RNF213: variants seen among roughly 807,000 people sequenced by gnomAD.
RNF213 encodes the protein ring finger protein 213.
A neutral mutation model predicts 514.4 loss-of-function variants in RNF213; 341 were observed. The observed-to-expected ratio is 0.66, with a 90% confidence interval of 0.61 to 0.73. The LOEUF (loss-of-function observed/expected upper bound fraction) is 0.73, where lower values mean the gene tolerates loss of function less well. Ranked by LOEUF, RNF213 falls within the 30% of genes least tolerant of loss-of-function variation. The probability of loss-of-function intolerance (pLI) is 0.00; values close to 1 mark genes in which losing one functional copy is unlikely to be tolerated. For missense variants in RNF213, 5,767 were observed against 6,615.6 expected, an observed-to-expected ratio of 0.87 and a Z score of 4.45; for synonymous variants, 2,655 against 2,658.2, an observed-to-expected ratio of 1.00 and a Z score of 0.04.
rs139220263 is a variant in RNF213, at chr17:80,295,691, G to A, written c.1890G>A (p.Val630=). The A allele has an allele frequency of 2.5e-6, 4 of 1,614,000 alleles. No individual in the cohort carries two copies. The highest frequency in any genetic ancestry group is 3.4e-6 in the Non-Finnish European group (4 of 1,180,028). The change falls in exon 10 of 68, where the codon GTG becomes GTA. Residue 630 remains valine, a synonymous_variant. Coordinates refer to ENST00000582970, the MANE Select transcript of RNF213 (RefSeq NM_001256071.3). ...LKTGLIVLFV[V]EKIELLLEGS... ...CAGGCCTGATTGTCCTTTTTGTAGT[G>A]GAAAAAATTGAGCTTTTATTAGAAG...
chr17:80,333,165 C>T (rs1280515490), intron 21 of RNF213, among the ~76,000 whole-genome samples: 1 of 151,518 alleles, frequency 6.6e-6, no homozygotes, highest in East Asian at 1.9e-4. Context: ...TCTCCTGTCT[C>T]AGCCTCCCAA....
Position 80,385,021 on chromosome 17 carries a change from T to C in RNF213, c.14323-18T>C. On this transcript the variant is annotated intron_variant, in intron 59 of 67. Transcript: ENST00000582970. ...TAGGTAAATAAAAATTGTTACTGGG[T>C]GGTCTTCCCTTCTCCAGGAAGCAGA... 6.2e-7 allele frequency: 1 copy of C among 1,614,120 alleles called. No individual in the cohort carries two copies. Among genetic ancestry groups the C allele is most frequent in the Non-Finnish European group, 8.5e-7 (1 of 1,179,966 alleles).
intron 17 of RNF213, among the ~76,000 whole-genome samples, chr17:80,323,834 T>TGGGG (rs60020928): frequency 8.9e-5 from 12 of 134,220 alleles, no homozygotes; most frequent in African/African-American, 3.0e-4. Context: ...TACTTTTTTT[T>TGGGG]GGGGGGGGGT....
chr17:80,263,631 A>AGC lies in RNF213; in HGVS notation c.-49_-48dup. 1.4e-6 allele frequency: 2 copies of AGC among 1,467,168 alleles called. No homozygotes were observed. Among genetic ancestry groups the AGC allele is most frequent in the Non-Finnish European group, 1.9e-6 (2 of 1,045,760 alleles). 90.9% of individuals were successfully genotyped at this position (1,467,168 alleles called of 1,614,324 possible). On this transcript the variant is annotated 5_prime_UTR_variant, in exon 2 of 68. Transcript: ENST00000582970. The surrounding 1 kb of genome is among the most constrained non-coding windows in gnomAD (Gnocchi z 4.9). Reference sequence around the variant, plus strand: ...GACATGTAGTATATAGCAGGCTGCCAGCGACTCCTGCTCTTGCTTCTGGAT... The same window carrying AGC: ...GACATGTAGTATATAGCAGGCTGCCAGCGCGACTCCTGCTCTTGCTTCTGGAT...
intron 8 of RNF213, among the ~76,000 whole-genome samples, chr17:80,292,176 C>A (rs537278469): frequency 6.6e-6 from 1 of 152,226 alleles, no homozygotes; most frequent in South Asian, 2.1e-4. Flanking sequence ...CCTCCGCCTC[C>A]CAGGGTCAAG....
chr17:80,376,721 T>C (rs891547263), intron 52 of RNF213, among the ~76,000 whole-genome samples, 161 bp from the exon 53 acceptor site: 4 of 152,196 alleles, frequency 2.6e-5, no homozygotes, highest in African/African-American at 9.7e-5. Context: ...TTGCCCTTTG[T>C]TATTTCACAG....
At chr17:80,359,361 A>G (rs767913474) in intron 37 of RNF213, among the ~76,000 whole-genome samples, 1 of 151,914 alleles carries the variant, frequency 6.6e-6, no homozygotes, top group Non-Finnish European at 1.5e-5. Flanking sequence ...CCCCATCACT[A>G]CAAAAAATTT....
Position 80,380,910 on chromosome 17 carries a change from C to T in RNF213, c.13720C>T (p.Leu4574=). 1 of 1,614,172 alleles carries T rather than the reference C, an allele frequency of 6.2e-7. No homozygotes were observed. Among genetic ancestry groups the T allele is most frequent in the Admixed American group, 1.7e-5 (1 of 60,030 alleles). Residue 4574 remains leucine (L), a synonymous_variant, in exon 56 of 68, where the codon CTG becomes TTG. Coordinates refer to ENST00000582970, the MANE Select transcript of RNF213 (RefSeq NM_001256071.3). ...AGACGTGGTGACATGTGACCGAGGG[C>T]TGCCCCCAGTGGTCTTCCTCCTTAT... The part of the protein sequence containing the change: ...RRDVVTCDRG[L]PPVVFLLIRL...
At chr17:80,297,058 A>G (rs767175571) in intron 10 of RNF213, among the ~76,000 whole-genome samples, 3 of 152,194 alleles carry the variant, frequency 2.0e-5, no homozygotes. Flanking sequence ...GGCAATGTAC[A>G]GAGTTAGTGC....
At chr17:80,318,467 G>A (rs2046020848) in intron 16 of RNF213, among the ~76,000 whole-genome samples, 1 of 152,210 alleles carries the variant, frequency 6.6e-6, no homozygotes, top group South Asian at 2.1e-4. Flanking sequence ...TTGGTGACAG[G>A]AACCTCATGA....
At position 80,340,083 on chromosome 17, in the gene RNF213, C is replaced by T. The variant is rs376888661; in HGVS notation, c.5716C>T (p.Arg1906Cys). ...FADQLSYEVA[R>C]QAEELFHNLC... ...AGATCAGCTGAGCTACGAGGTGGCA[C>T]GCCAAGCGGAGGAGCTTTTCCACAA... The change falls in exon 26 of 68, where the codon CGC becomes TGC. Residue 1906 changes from arginine to cysteine, a missense_variant. This residue lies in a region of RNF213 where 1,377 missense variants were observed against 1,635.2 expected (regional missense o/e 0.84). Transcript: ENST00000582970. 1.9e-4 allele frequency: 303 copies of T among 1,600,162 alleles called. No individual in the cohort carries two copies. Among genetic ancestry groups the T allele is most frequent in the African/African-American group, 1.6e-3 (123 of 74,662 alleles).
intron 6 of RNF213, among the ~76,000 whole-genome samples, chr17:80,290,084 G>A (rs989713656): frequency 5.3e-5 from 8 of 152,214 alleles, no homozygotes; most frequent in African/African-American, 1.2e-4. Flanking sequence ...CAGGAGAGGG[G>A]CTGTTCTGGC....
chr17:80,275,099 T>TGTGTTGGGTGTGTGC (rs935093868), intron 3 of RNF213, among the ~76,000 whole-genome samples: 4 of 132,380 alleles, frequency 3.0e-5, no homozygotes, highest in African/African-American at 1.2e-4. Flanking sequence ...TGGGTGTGTG[T>TGTGTTGGGTGTGTGC]GTGTTGGGTG....
At chr17:80,289,908 C>A in intron 6 of RNF213, 71 bp downstream of exon 6, 1 of 1,456,230 alleles carries the variant, frequency 6.9e-7, no homozygotes, top group Non-Finnish European at 9.4e-7. Context: ...CCCTGCACAA[C>A]TCTCAGGGGA....
rs766829979 is a variant in RNF213 at position 80,339,320 on chromosome 17, C to T, written c.4953C>T (p.Leu1651=). 6.5e-7 allele frequency: 1 copy of T among 1,537,220 alleles called. No individual in the cohort carries two copies. The highest frequency in any genetic ancestry group is 2.0e-5 in the Admixed American group (1 of 51,000). ...GCTCCCCCAAGCAGGGTGTGTCCCT[C>T]CAAATGGACTTTGGCTTGGACCTGG... The part of the protein sequence containing the change: ...AYCSPKQGVS[L]QMDFGLDLVT... The change falls in exon 26 of 68, where the codon CTC becomes CTT. Residue 1651 remains leucine, a synonymous_variant. Transcript: ENST00000582970.
chr17:80,374,731 C>T (rs1013864336), intron 50 of RNF213, 142 bp downstream of exon 50: 23 of 1,010,456 alleles, frequency 2.3e-5, no homozygotes, highest in African/African-American at 3.2e-5. Context: ...GTCACGTGCC[C>T]ACAGCCTCCA....
At chr17:80,391,248 A>G (rs551257967) in intron 67 of RNF213, among the ~76,000 whole-genome samples, 205 of 152,008 alleles carry the variant, frequency 1.3e-3, no homozygotes, top group Non-Finnish European at 2.5e-3. Flanking sequence ...TTTATCACCC[A>G]TTTGTATATC....
chr17:80,284,869 T>C (rs1250170604), intron 3 of RNF213, among the ~76,000 whole-genome samples: 1 of 152,162 alleles, frequency 6.6e-6, no homozygotes, highest in Non-Finnish European at 1.5e-5. Context: ...CTTCCTCAAA[T>C]CTCATTGGCT....
rs777216612 is a variant in RNF213, at chr17:80,385,614, G to A, written c.14532G>A (p.Glu4844=). The stretch of plus-strand genomic sequence containing the variant: ...GGAACAAACTGAGGAGATCGCTTGA[G>A]ACGAACGGTTAGTATCCTGTCCCCT... The part of the protein sequence containing the change: ...STWNKLRRSL[E]TNGEINLPKD... Residue 4844 remains glutamate (E), a synonymous_variant, in exon 61 of 68, where the codon GAG becomes GAA. Transcript: ENST00000582970. 6.2e-7 allele frequency: 1 copy of A among 1,614,056 alleles called. No individual in the cohort carries two copies. Among genetic ancestry groups the A allele is most frequent in the Non-Finnish European group, 8.5e-7 (1 of 1,179,914 alleles).
Sources: gnomAD v4.1 joint callset for allele counts (sites outside exome capture counted in the v4.1 genomes callset) on GRCh38, gnomAD v4.1.1 for gene constraint, gnomAD v4.1.1 regional missense constraint, Gnocchi (gnomAD v3.1) non-coding constraint, MANE v1.5 for transcripts, NCBI Gene and HGNC (gene_info 2026-07-23, HGNC 2026-07-21) for gene names.